NBEA: variants seen among roughly 807,000 people sequenced by gnomAD.
The protein encoded by NBEA is neurobeachin.
Under a neutral mutation model 343.4 loss-of-function variants are expected in NBEA, and 44 were observed. That is an observed-to-expected ratio of 0.13 (90% CI 0.10 to 0.16). The LOEUF is 0.16. Ranked by LOEUF, NBEA falls within the 10% of genes least tolerant of loss-of-function variation. The probability of loss-of-function intolerance (pLI) is 1.00; values close to 1 mark genes in which losing one functional copy is unlikely to be tolerated. For synonymous variants in NBEA, 1,175 were observed against 1,238.7 expected (o/e 0.95, Z 1.08); for missense variants, 2,555 against 3,631.3 (o/e 0.70, Z 7.62).
At chr13:35,625,089 A>C (rs1352809723) in intron 48 of NBEA, among the ~76,000 whole-genome samples, 1 of 152,194 alleles carries the variant, frequency 6.6e-6, no homozygotes, top group Non-Finnish European at 1.5e-5. Context: ...TAGATTAATT[A>C]AAGATCAAAA....
chr13:35,179,334 C>T (rs2071140917), intron 28 of NBEA, among the ~76,000 whole-genome samples: 1 of 151,462 alleles, frequency 6.6e-6, no homozygotes, highest in African/African-American at 2.4e-5. Context: ...TCGGAAGGTA[C>T]ACCATGGCAA....
intron 38 of NBEA, among the ~76,000 whole-genome samples, chr13:35,368,676 G>A (rs1482894804): frequency 1.3e-5 from 2 of 151,408 alleles, no homozygotes; most frequent in African/African-American, 4.8e-5. Flanking sequence ...CTGTCTGAAC[G>A]ATTTTTAACA....
At chr13:34,983,358 C>CT (rs1158817911) in intron 1 of NBEA, among the ~76,000 whole-genome samples, 1 of 152,082 alleles carries the variant, frequency 6.6e-6, no homozygotes, top group East Asian at 1.9e-4. Flanking sequence ...TGAACTCATC[C>CT]TTTTTTATGG....
chr13:35,139,385 A>G (rs1420584122), intron 17 of NBEA, among the ~76,000 whole-genome samples: 1 of 152,122 alleles, frequency 6.6e-6, no homozygotes, highest in Non-Finnish European at 1.5e-5. Context: ...TGGCCATCCC[A>G]CAAAAAGATT....
chr13:35,013,655 G>A (rs1229460938), intron 1 of NBEA, among the ~76,000 whole-genome samples: 1 of 151,996 alleles, frequency 6.6e-6, no homozygotes, highest in Admixed American at 6.6e-5. Flanking sequence ...TTTTAGCAGA[G>A]ACGGAATTTC....
chr13:35,290,251 C>T (rs61947447), intron 34 of NBEA, 138 bp from the exon 35 acceptor site: 43,484 of 556,292 alleles, frequency 0.078, 2,187 homozygotes, highest in African/African-American at 0.18. Flanking sequence ...GCTAGGTGAA[C>T]ATTTTCATTC....
intron 39 of NBEA, among the ~76,000 whole-genome samples, chr13:35,435,448 T>G (rs1046359924): frequency 5.3e-5 from 8 of 152,062 alleles, no homozygotes; most frequent in Non-Finnish European, 1.2e-4. Flanking sequence ...GTTCTTGTTT[T>G]GAGAAATACA....
chr13:35,082,694 C>A (rs1182494601), intron 10 of NBEA, among the ~76,000 whole-genome samples: 1 of 152,066 alleles, frequency 6.6e-6, no homozygotes, highest in African/African-American at 2.4e-5. Context: ...TTTCGTGTGT[C>A]TTTTGCCTGC....
intron 41 of NBEA, among the ~76,000 whole-genome samples, chr13:35,477,383 AT>A (rs2075921803): frequency 6.6e-6 from 1 of 152,160 alleles, no homozygotes. Flanking sequence ...TTTAAAAAAT[AT>A]TTCGTACATC....
At chr13:35,072,533 T>C (rs914099812) in intron 10 of NBEA, among the ~76,000 whole-genome samples, 1 of 151,998 alleles carries the variant, frequency 6.6e-6, no homozygotes, top group Non-Finnish European at 1.5e-5. Flanking sequence ...CAGTGATGTC[T>C]ATTATGTCTT....
chr13:35,189,107 C>T lies in NBEA; in HGVS notation c.4927+5036C>T, dbSNP rs572674736. Among the ~76,000 whole-genome samples, 17 of 151,738 alleles carry T rather than the reference C, an allele frequency of 1.1e-4. No homozygotes were observed. In the South Asian group the frequency reaches 1.7e-3, roughly 15 times the overall value. On this transcript the variant is annotated intron_variant, in intron 30 of 58. Coordinates refer to ENST00000379939, the MANE Select transcript of NBEA (RefSeq NM_001385012.1). ...CTAATTTTTGTATTTTTAGTAGAGA[C>T]GAGGTTTCACCATCTTGGCCAGGCT...
chr13:35,483,630 A>G (rs1306340542), intron 41 of NBEA, among the ~76,000 whole-genome samples: 1 of 152,090 alleles, frequency 6.6e-6, no homozygotes, highest in African/African-American at 2.4e-5. Context: ...TCTTTTTACA[A>G]CTTGGAATAG....
At chr13:35,227,691 G>T (rs867716533) in intron 33 of NBEA, among the ~76,000 whole-genome samples, 5 of 151,990 alleles carry the variant, frequency 3.3e-5, no homozygotes, top group South Asian at 2.1e-4. Context: ...AAATCGAATT[G>T]TTGTTTATTA....
chr13:35,084,286 C>G (rs1305267750), intron 10 of NBEA, among the ~76,000 whole-genome samples: 1 of 152,112 alleles, frequency 6.6e-6, no homozygotes, highest in Non-Finnish European at 1.5e-5. Context: ...CTTTTCAGCA[C>G]CACACCACAC....
chr13:35,044,614 G>A (rs1476009545), intron 2 of NBEA, among the ~76,000 whole-genome samples: 4 of 150,754 alleles, frequency 2.7e-5, no homozygotes, highest in African/African-American at 9.7e-5. Context: ...GTGTGTGTGT[G>A]TGTGTGTGTG....
chr13:35,174,837 G>A (rs1304540210), intron 27 of NBEA, among the ~76,000 whole-genome samples: 5 of 151,360 alleles, frequency 3.3e-5, no homozygotes, highest in Admixed American at 3.3e-4. Flanking sequence ...TCTGTTGCCA[G>A]GGTGGAGTGG....
chr13:35,624,544 A>G (rs1481318578), intron 48 of NBEA, among the ~76,000 whole-genome samples: 4 of 152,148 alleles, frequency 2.6e-5, no homozygotes, highest in Non-Finnish European at 4.4e-5. Context: ...TGATATATCT[A>G]TGCACTTAAT....
chr13:35,299,620 C>T (rs1409488414), intron 35 of NBEA, among the ~76,000 whole-genome samples: 1 of 152,172 alleles, frequency 6.6e-6, no homozygotes, highest in African/African-American at 2.4e-5. Context: ...TATCTAAAGA[C>T]TTGGCAGCTC....
intron 47 of NBEA, among the ~76,000 whole-genome samples, chr13:35,598,393 G>C (rs2081902327): frequency 1.3e-5 from 2 of 152,170 alleles, no homozygotes; most frequent in Admixed American, 1.3e-4. Flanking sequence ...TATTTTCCAT[G>C]GCTCTTGGTT....
Sources: gnomAD v4.1 joint callset for allele counts (sites outside exome capture counted in the v4.1 genomes callset) on GRCh38, gnomAD v4.1.1 for gene constraint, MANE v1.5 for transcripts, NCBI Gene and HGNC (gene_info 2026-07-23, HGNC 2026-07-21) for gene names.